The following ANO2 variants were observed in gnomAD, a reference collection of about 807,000 sequenced individuals.
ANO2 encodes anoctamin-2.
A neutral mutation model predicts 124.2 loss-of-function variants in ANO2; 101 were observed. That is an observed-to-expected ratio of 0.81 (90% confidence interval 0.69 to 0.96). ANO2 has a LOEUF of 0.96. ANO2 is among the 40% of genes least tolerant of loss of function. The pLI is 0.00. For missense variants in ANO2, 1,293 were observed against 1,274.5 expected, an observed-to-expected ratio of 1.01 and a Z score of -0.22; for synonymous variants, 486 against 482.5, an observed-to-expected ratio of 1.01 and a Z score of -0.09.
chr12:5,739,232 T>C lies in ANO2; in HGVS notation c.1434+85A>G, dbSNP rs1328504907. 9 of 1,225,870 alleles carry C rather than the reference T, an allele frequency of 7.3e-6. No individual in the cohort carries two copies. The South Asian group carries it at 1.2e-4, about 16-fold the overall frequency. The allele number at this position is 1,225,870 out of a possible 1,614,324, so 75.9% of individuals were successfully genotyped here. A position where few individuals can be genotyped will look rare whatever the true frequency, so the allele number is the denominator to read the frequency against. On this transcript the variant is annotated intron_variant, in intron 13 of 24. Transcript: ENST00000682330. ...GCCAGTGACAGCAAACATACATGGT[T>C]ATCTCACTCAAGAGAGTCCATTTCC...
chr12:5,700,619 A>C (rs1260748405), intron 14 of ANO2, among the ~76,000 whole-genome samples: 1 of 152,148 alleles, frequency 6.6e-6, no homozygotes, highest in Non-Finnish European at 1.5e-5. Context: ...ATAGAGATAC[A>C]AAAAAACCTT....
chr12:5,867,735 G>A (rs1955463531), intron 3 of ANO2, among the ~76,000 whole-genome samples: 2 of 116,828 alleles, frequency 1.7e-5, no homozygotes, highest in Non-Finnish European at 3.3e-5. Context: ...ATGTGATGTT[G>A]ATAAACTAAT....
At chr12:5,651,145 C>T (rs557568591) in intron 14 of ANO2, among the ~76,000 whole-genome samples, 4 of 152,328 alleles carry the variant, frequency 2.6e-5, no homozygotes, top group African/African-American at 9.6e-5. Context: ...CTAATGCAAT[C>T]GTTGTTAAGA....
chr12:5,660,648 T>C (rs1009566535), intron 14 of ANO2, among the ~76,000 whole-genome samples: 6 of 152,056 alleles, frequency 3.9e-5, no homozygotes, highest in African/African-American at 1.2e-4. Context: ...ATCTCCTAAC[T>C]GGCTTTTTAA....
chr12:5,673,707 G>A (rs1948113259), intron 14 of ANO2, among the ~76,000 whole-genome samples: 2 of 152,192 alleles, frequency 1.3e-5, no homozygotes, highest in Non-Finnish European at 2.9e-5. Flanking sequence ...TTCAGAACCA[G>A]TCCCGTGATG....
At chr12:5,665,947 T>A (rs551013029) in intron 14 of ANO2, among the ~76,000 whole-genome samples, 1 of 151,900 alleles carries the variant, frequency 6.6e-6, no homozygotes, top group Admixed American at 6.5e-5. Flanking sequence ...GTGGCTGGAG[T>A]TGGCCTCCAG....
At chr12:5,622,300 T>C (rs1196302537) in intron 16 of ANO2, among the ~76,000 whole-genome samples, 1 of 152,160 alleles carries the variant, frequency 6.6e-6, no homozygotes, top group East Asian at 1.9e-4. Flanking sequence ...AATGAGTGAT[T>C]CCCTTCCTCC....
chr12:5,755,703 G>A (rs1289810241), intron 10 of ANO2, among the ~76,000 whole-genome samples: 2 of 152,058 alleles, frequency 1.3e-5, no homozygotes, highest in Non-Finnish European at 2.9e-5. Context: ...ATGGTTTCCA[G>A]CTTCATCCAT....
intron 7 of ANO2, among the ~76,000 whole-genome samples, chr12:5,826,194 C>T (rs1010434057): frequency 2.0e-5 from 3 of 151,898 alleles, no homozygotes; most frequent in South Asian, 2.1e-4. Flanking sequence ...TCCGGTTGTA[C>T]GAAGGATAGT....
intron 7 of ANO2, among the ~76,000 whole-genome samples, chr12:5,818,248 GC>G (rs1238145853): frequency 1.3e-5 from 2 of 151,744 alleles, no homozygotes; most frequent in Non-Finnish European, 2.9e-5. Context: ...CTAATCAGCT[GC>G]CAGTGCAGCT....
chr12:5,733,710 C>T (rs1950740132), intron 13 of ANO2, among the ~76,000 whole-genome samples: 1 of 152,218 alleles, frequency 6.6e-6, no homozygotes, highest in African/African-American at 2.4e-5. Context: ...ACTAAAACAA[C>T]TGCAGGCGGT....
chr12:5,567,402 C>T (rs916324576), intron 23 of ANO2, among the ~76,000 whole-genome samples: 2 of 152,176 alleles, frequency 1.3e-5, no homozygotes, highest in Non-Finnish European at 1.5e-5. Context: ...ATCCTCCCGT[C>T]GCCCCCAGAC....
intron 4 of ANO2, among the ~76,000 whole-genome samples, chr12:5,851,700 A>AG (rs1320359420): frequency 2.0e-5 from 3 of 151,646 alleles, no homozygotes; most frequent in Admixed American, 2.0e-4. Flanking sequence ...AAAAAAAAAA[A>AG]AGAGAGATGT....
intron 10 of ANO2, among the ~76,000 whole-genome samples, chr12:5,777,860 C>T (rs1952275638): frequency 6.6e-6 from 1 of 152,078 alleles, no homozygotes; most frequent in African/African-American, 2.4e-5. Context: ...TTGGTCTGCC[C>T]AAGGGGACAA....
intron 3 of ANO2, among the ~76,000 whole-genome samples, chr12:5,910,700 A>G (rs73257264): frequency 0.21 from 32,594 of 152,060 alleles, 3,627 homozygotes; most frequent in Admixed American, 0.28. Context: ...CCCAGGAGTC[A>G]TCAGATATAA....
At chr12:5,878,052 A>T (rs928324054) in intron 3 of ANO2, among the ~76,000 whole-genome samples, 3 of 152,234 alleles carry the variant, frequency 2.0e-5, no homozygotes, top group African/African-American at 7.2e-5. Context: ...CATGTCTGTT[A>T]TCAGGGAATG....
At chr12:5,588,426 T>C (rs1252214569) in intron 20 of ANO2, among the ~76,000 whole-genome samples, 1 of 152,208 alleles carries the variant, frequency 6.6e-6, no homozygotes, top group Non-Finnish European at 1.5e-5. Context: ...CGTGGAATGG[T>C]CTGGAAAGTG....
intron 1 of ANO2, among the ~76,000 whole-genome samples, chr12:5,924,576 C>A (rs1328113893): frequency 6.6e-6 from 1 of 152,170 alleles, no homozygotes; most frequent in Non-Finnish European, 1.5e-5. Flanking sequence ...TATCACTCTG[C>A]CGAAAGGAAA....
chr12:5,886,249 T>C (rs992697491), intron 3 of ANO2, among the ~76,000 whole-genome samples: 1 of 152,176 alleles, frequency 6.6e-6, no homozygotes, highest in Non-Finnish European at 1.5e-5. Flanking sequence ...AATGAACGAA[T>C]GGATAAACAA....
Sources: allele counts gnomAD v4.1 joint callset (sites outside exome capture counted in the v4.1 genomes callset), GRCh38; gene constraint gnomAD v4.1.1; transcripts MANE v1.5; gene names NCBI Gene and HGNC (gene_info 2026-07-23, HGNC 2026-07-21).